NBAS: variants seen among roughly 807,000 people sequenced by gnomAD.
NBAS encodes NAG/BC035112 fusion.
Under a neutral mutation model 302.5 loss-of-function variants are expected in NBAS, and 219 were observed. The ratio of observed to expected loss-of-function variants is 0.72; its 90% CI spans 0.65 to 0.81. The LOEUF (loss-of-function observed/expected upper bound fraction) is 0.81, where lower values mean the gene tolerates loss of function less well. Ranked by LOEUF, NBAS falls within the 30% of genes least tolerant of loss-of-function variation. The probability of loss-of-function intolerance (pLI) is 0.00; values close to 1 mark genes in which losing one functional copy is unlikely to be tolerated. For missense variants in NBAS, 2,932 were observed against 2,841.6 expected (o/e 1.03, Z -0.72); for synonymous variants, 1,118 against 1,021.6 (o/e 1.09, Z -1.80).
intron 35 of NBAS, among the ~76,000 whole-genome samples, chr2:15,333,088 T>G (rs547124552): frequency 6.6e-6 from 1 of 152,132 alleles, no homozygotes; most frequent in Non-Finnish European, 1.5e-5. Context: ...TTAACACATA[T>G]AGAGTATTAC....
the NBAS span, among the ~76,000 whole-genome samples, chr2:15,032,019 G>A: frequency 3.3e-5 from 5 of 152,342 alleles, no homozygotes; most frequent in South Asian, 2.1e-4. Context: ...GCTGGCTAGC[G>A]CCACAGTGCA....
the NBAS span, among the ~76,000 whole-genome samples, chr2:14,800,475 C>T: frequency 2.0e-5 from 3 of 152,188 alleles, no homozygotes; most frequent in Non-Finnish European, 4.4e-5. Flanking sequence ...ATAAATTACC[C>T]AGTCTCAGGT....
the NBAS span, among the ~76,000 whole-genome samples, chr2:14,870,234 G>T: frequency 6.6e-6 from 1 of 152,140 alleles, no homozygotes; most frequent in Admixed American, 6.5e-5. Context: ...ATTTCAGGGA[G>T]GCCAAAGTGG....
the NBAS span, among the ~76,000 whole-genome samples, chr2:14,821,052 A>C: frequency 1.3e-5 from 2 of 151,628 alleles, no homozygotes; most frequent in African/African-American, 2.4e-5. Flanking sequence ...TAAGCCTTCC[A>C]TGTAGCTGGG....
At chr2:15,451,902 C>T (rs921731788) in intron 21 of NBAS, among the ~76,000 whole-genome samples, 10 of 151,436 alleles carry the variant, frequency 6.6e-5, no homozygotes, top group African/African-American at 2.2e-4. Context: ...GCAGCATAAA[C>T]AGAAACATGA....
chr2:14,871,699 G>A, the NBAS span, among the ~76,000 whole-genome samples: 2 of 151,978 alleles, frequency 1.3e-5, no homozygotes, highest in African/African-American at 4.8e-5. Flanking sequence ...ATAATATGTT[G>A]TAATATTACA....
the NBAS span, among the ~76,000 whole-genome samples, chr2:14,991,409 T>C: frequency 6.6e-6 from 1 of 152,194 alleles, no homozygotes; most frequent in East Asian, 1.9e-4. Context: ...CATAAAGTCC[T>C]TTTCAAACTC....
chr2:14,987,501 C>T, the NBAS span, among the ~76,000 whole-genome samples: 2 of 151,512 alleles, frequency 1.3e-5, no homozygotes, highest in South Asian at 2.1e-4. Flanking sequence ...CATAAAATCA[C>T]AGACTATAGG....
the NBAS span, among the ~76,000 whole-genome samples, chr2:15,007,248 T>G: frequency 6.6e-6 from 1 of 152,210 alleles, no homozygotes; most frequent in African/African-American, 2.4e-5. Flanking sequence ...AGCGCCACCA[T>G]GGTCTTTTTT....
the NBAS span, among the ~76,000 whole-genome samples, chr2:14,927,452 G>A: frequency 2.0e-5 from 3 of 151,924 alleles, no homozygotes; most frequent in African/African-American, 7.3e-5. Flanking sequence ...CATTTTCTTT[G>A]TCCATCCCCT....
chr2:15,539,245 C>T lies in NBAS; in HGVS notation c.491G>A (p.Ser164Asn). 6.2e-7 allele frequency: 1 copy of T among 1,614,228 alleles called. No homozygotes were observed. Among genetic ancestry groups the T allele is most frequent in the Non-Finnish European group, 8.5e-7 (1 of 1,180,040 alleles). Residue 164 changes from serine (S) to asparagine (N), a missense_variant, in exon 7 of 52, where the codon AGT (serine) becomes AAT (asparagine). By Grantham distance (46) the Ser-to-Asn change is conservative. Transcript: ENST00000281513. ...TACCGGGGAAATGACAAAGAGTTCACTTCCCATGAGATCAAACACCCTCAC... is the reference window on the plus strand; with the variant it reads ...TACCGGGGAAATGACAAAGAGTTCATTTCCCATGAGATCAAACACCCTCAC... ...GTVRVFDLMG[S>N]ELFVISPASS...
the NBAS span, among the ~76,000 whole-genome samples, chr2:14,885,648 G>C: frequency 6.6e-6 from 1 of 152,108 alleles, no homozygotes; most frequent in Non-Finnish European, 1.5e-5. Context: ...TTTCAATAGG[G>C]AAGAAACAAT....
the NBAS span, among the ~76,000 whole-genome samples, chr2:15,160,292 C>T: frequency 6.6e-6 from 1 of 152,036 alleles, no homozygotes; most frequent in African/African-American, 2.4e-5. Context: ...GACAGGGCAG[C>T]TTAAGAAGGC....
chr2:15,515,435 C>T (rs1662343301), intron 9 of NBAS, among the ~76,000 whole-genome samples: 1 of 152,130 alleles, frequency 6.6e-6, no homozygotes, highest in Admixed American at 6.5e-5. Context: ...TGCCTGTAGT[C>T]CCAGCTACCT....
At chr2:14,848,208 A>C in the NBAS span, among the ~76,000 whole-genome samples, 1 of 151,622 alleles carries the variant, frequency 6.6e-6, no homozygotes, top group Non-Finnish European at 1.5e-5. Flanking sequence ...TGGGCGCAGG[A>C]CAGTGGGTGC....
chr2:15,440,375 C>G (rs577971540), intron 21 of NBAS, among the ~76,000 whole-genome samples: 1 of 152,264 alleles, frequency 6.6e-6, no homozygotes, highest in Non-Finnish European at 1.5e-5. Context: ...CTGCAGACAC[C>G]GCTGCTGATA....
the NBAS span, among the ~76,000 whole-genome samples, chr2:14,889,403 C>T: frequency 6.6e-6 from 1 of 152,176 alleles, no homozygotes. Context: ...CCAACTGACT[C>T]CACACTTCTG....
At chr2:15,417,973 C>T (rs1677030209) in intron 23 of NBAS, among the ~76,000 whole-genome samples, 1 of 152,076 alleles carries the variant, frequency 6.6e-6, no homozygotes, top group South Asian at 2.1e-4. Flanking sequence ...ATTTGTAGAG[C>T]GTTACAGTTC....
At chr2:15,505,314 T>A (rs1661792003) in intron 10 of NBAS, among the ~76,000 whole-genome samples, 1 of 152,074 alleles carries the variant, frequency 6.6e-6, no homozygotes, top group African/African-American at 2.4e-5. Context: ...CTAAGTCCAC[T>A]CTGAGTGAAA....
Sources: gnomAD v4.1 joint callset for allele counts (sites outside exome capture counted in the v4.1 genomes callset) on GRCh38, gnomAD v4.1.1 for gene constraint, MANE v1.5 for transcripts, NCBI Gene and HGNC (gene_info 2026-07-23, HGNC 2026-07-21) for gene names.